The following CACNA1C variants were observed in gnomAD, a reference collection of about 807,000 sequenced individuals.
The protein encoded by CACNA1C is calcium voltage-gated channel subunit alpha1 C, also known as voltage-dependent L-type calcium channel subunit alpha-1C.
A neutral mutation model predicts 229.0 loss-of-function variants in CACNA1C; 30 were observed. The ratio of observed to expected loss-of-function variants is 0.13; its 90% CI spans 0.10 to 0.18. The LOEUF (loss-of-function observed/expected upper bound fraction) is 0.18, where lower values mean the gene tolerates loss of function less well. Ranked by LOEUF, CACNA1C falls within the 10% of genes least tolerant of loss-of-function variation. The pLI, the probability that CACNA1C is intolerant of heterozygous loss-of-function variation, is 1.00. For missense variants in CACNA1C, 1,658 were observed against 2,845.0 expected (o/e 0.58, Z 9.49); for synonymous variants, 1,114 against 1,132.5 (o/e 0.98, Z 0.33).
chr12:2,575,831 A>G lies in CACNA1C; in HGVS notation c.1896-5759A>G, dbSNP rs959705906. On this transcript the variant is annotated intron_variant, in intron 13 of 46. Transcript: ENST00000399655. The surrounding 1 kb of genome is among the most constrained non-coding windows in gnomAD (Gnocchi z 4.0). Reference sequence around the variant, plus strand: ...TCTATACCTAGAATAAAGGTAAAGGACCTGGCCCTGAGCTCTTTGAAGCAA... The same window carrying G: ...TCTATACCTAGAATAAAGGTAAAGGGCCTGGCCCTGAGCTCTTTGAAGCAA... 3.3e-5 allele frequency among the ~76,000 whole-genome samples: 5 copies of G among 152,184 alleles called. No individual in the cohort carries two copies. Among genetic ancestry groups the G allele is most frequent in the African/African-American group, 1.2e-4 (5 of 41,448 alleles).
At chr12:2,317,711 G>T (rs528218466) in intron 3 of CACNA1C, among the ~76,000 whole-genome samples, 4 of 152,170 alleles carry the variant, frequency 2.6e-5, no homozygotes, top group Non-Finnish European at 5.9e-5. Context: ...ATGAATACTT[G>T]CTGTATCTGA....
At chr12:2,461,537 G>A (rs1304373247) in intron 5 of CACNA1C, among the ~76,000 whole-genome samples, 5 of 152,064 alleles carry the variant, frequency 3.3e-5, no homozygotes, top group African/African-American at 1.2e-4. Context: ...TGTGTCACCA[G>A]CCCAGACCTT....
chr12:2,325,253 G>A (rs2239046), intron 3 of CACNA1C, among the ~76,000 whole-genome samples: 104,661 of 152,084 alleles, frequency 0.69, 36,240 homozygotes, highest in African/African-American at 0.74. Context: ...ATCTGGTCTC[G>A]AGACCCATTT....
Position 2,585,262 on chromosome 12 carries a change from C to T in CACNA1C, c.2340-114C>T. On this transcript the variant is annotated intron_variant, in intron 16 of 46. Coordinates refer to ENST00000399655, the MANE Select transcript of CACNA1C (RefSeq NM_000719.7). This position sits in a 1 kb window ranked among gnomAD's most constrained non-coding sequence, Gnocchi z 4.1. ...CTGGAGAAAGGAAGATGGACTCAGACCCAGGGGATCTGTCCCCTCTGGCCC... is the reference window on the plus strand; with the variant it reads ...CTGGAGAAAGGAAGATGGACTCAGATCCAGGGGATCTGTCCCCTCTGGCCC... 9.9e-7 allele frequency: 1 copy of T among 1,013,372 alleles called. No homozygotes were observed. Among genetic ancestry groups the T allele is most frequent in the South Asian group, 2.2e-5 (1 of 44,684 alleles). The allele number at this position is 1,013,372 out of a possible 1,614,324, so 62.8% of individuals were successfully genotyped here.
rs113361925 is a variant in CACNA1C, at chr12:2,394,321, C to T, written c.478-54655C>T. ...GAAACTTGGACACAGCCATGATAAA[C>T]GCAGGCTTTATAATCCAAGAGCTTG... On this transcript the variant is annotated intron_variant, in intron 3 of 46. Transcript: ENST00000399655. Among the ~76,000 whole-genome samples the T allele has an allele frequency of 3.8e-3, 580 of 152,242 alleles. 6 individuals are homozygous for T. The highest frequency in any genetic ancestry group is 0.013 in the African/African-American group (539 of 41,530).
chr12:2,508,523 A>T (rs760897621), intron 8 of CACNA1C, among the ~76,000 whole-genome samples: 28 of 152,224 alleles, frequency 1.8e-4, no homozygotes, highest in Non-Finnish European at 4.0e-4. Flanking sequence ...GCTTGGTGGC[A>T]GCACCTATAG....
At chr12:2,088,385 G>C (rs771802719) in intron 1 of CACNA1C, among the ~76,000 whole-genome samples, 14 of 152,184 alleles carry the variant, frequency 9.2e-5, no homozygotes, top group Admixed American at 3.9e-4. Context: ...TCTAGAGGCC[G>C]TGAACACGGT....
intron 3 of CACNA1C, among the ~76,000 whole-genome samples, chr12:2,428,435 A>C (rs2099053063): frequency 6.6e-6 from 1 of 151,968 alleles, no homozygotes; most frequent in Non-Finnish European, 1.5e-5. Flanking sequence ...TTTGCATGTC[A>C]CTCACCTGGT....
At position 1,971,821 on chromosome 12, in the gene CACNA1C, GTTCTT is replaced by G. The variant is rs763298388; in HGVS notation, c.139+623_139+627del. On this transcript the variant is annotated intron_variant, in intron 1 of 46. Coordinates refer to the CACNA1C transcript ENST00000682462. The surrounding 1 kb of genome is among the most constrained non-coding windows in gnomAD (Gnocchi z 4.2). ...CCTAATAAATATTTCTGTTTGATCT[GTTCTT>G]TTAAGATATTTATAATTTGTTTTAT... Among the ~76,000 whole-genome samples, 17 of 152,094 alleles carry G rather than the reference GTTCTT, an allele frequency of 1.1e-4. No homozygotes were observed. Among genetic ancestry groups the G allele is most frequent in the Non-Finnish European group, 2.1e-4 (14 of 68,004 alleles).
At chr12:2,606,923 C>A in intron 25 of CACNA1C, 61 bp from the exon 26 acceptor site, 2 of 1,574,968 alleles carry the variant, frequency 1.3e-6, no homozygotes, top group Non-Finnish European at 1.7e-6. Context: ...AGGTCACTGG[C>A]AGGCCAGGCG....
At chr12:2,004,679 C>G (rs552024776) in intron 1 of CACNA1C, 9 of 521,852 alleles carry the variant, frequency 1.7e-5, no homozygotes, top group Non-Finnish European at 3.0e-5. Context: ...CTCTGCATCC[C>G]GTTTCTTTCT....
rs199881314 is a variant in CACNA1C, at chr12:2,634,162, AT to A, written c.3829-127del. 1,187 of 472,012 alleles carry A rather than the reference AT, an allele frequency of 2.5e-3. 21 individuals carry two copies. In the African/African-American group the frequency reaches 0.028, roughly 11 times the overall value. 29.2% of individuals were successfully genotyped at this position (472,012 alleles called of 1,614,324 possible). ...GCCCACGTAACCTCTTTCTTTTCTC[AT>A]TTTTTTTCTCTTCTCTCCCTTTTTC... On this transcript the variant is annotated intron_variant, in intron 29 of 46. Coordinates refer to ENST00000399655, the MANE Select transcript of CACNA1C (RefSeq NM_000719.7).
chr12:2,603,928 T>C (rs2074035667), intron 22 of CACNA1C, among the ~76,000 whole-genome samples: 1 of 152,216 alleles, frequency 6.6e-6, no homozygotes, highest in Admixed American at 6.5e-5. Context: ...GAAATGTGAT[T>C]GGACAAGAAG....
At chr12:2,550,589 G>A in intron 10 of CACNA1C, 1 of 1,351,732 alleles carries the variant, frequency 7.4e-7, no homozygotes, top group Non-Finnish European at 9.8e-7. Flanking sequence ...TGTTGCCTTG[G>A]GGTGTCACGA....
chr12:2,192,810 G>A (rs747065187), intron 3 of CACNA1C, among the ~76,000 whole-genome samples: 11 of 151,950 alleles, frequency 7.2e-5, no homozygotes, highest in South Asian at 2.1e-4. Context: ...GCTGTGATAC[G>A]TGTAGTGTGT....
intron 5 of CACNA1C, among the ~76,000 whole-genome samples, chr12:2,462,739 G>A (rs977659393): frequency 6.6e-6 from 1 of 151,996 alleles, no homozygotes; most frequent in Non-Finnish European, 1.5e-5. Flanking sequence ...TTTTCCAAAG[G>A]GTCTTTACTT....
intron 1 of CACNA1C, among the ~76,000 whole-genome samples, chr12:2,042,519 G>A (rs1479311886): frequency 1.3e-5 from 2 of 152,130 alleles, no homozygotes; most frequent in African/African-American, 4.8e-5. Context: ...GATTCAAGAG[G>A]CTTTCTAGAC....
intron 42 of CACNA1C, chr12:2,680,348 A>G (rs1466207449): frequency 1.3e-6 from 2 of 1,525,794 alleles, no homozygotes; most frequent in East Asian, 2.4e-5. Flanking sequence ...TTGTCCTCTC[A>G]TCCCTGTGCT....
intron 1 of CACNA1C, among the ~76,000 whole-genome samples, chr12:2,091,477 C>T (rs973122769): frequency 6.6e-6 from 1 of 152,188 alleles, no homozygotes; most frequent in African/African-American, 2.4e-5. Flanking sequence ...TTACCTTTTC[C>T]AGCTCTAGAG....
Sources: allele counts gnomAD v4.1 joint callset (sites outside exome capture counted in the v4.1 genomes callset), GRCh38; gene constraint gnomAD v4.1.1; non-coding constraint Gnocchi (gnomAD v3.1); transcripts MANE v1.5; gene names NCBI Gene and HGNC (gene_info 2026-07-23, HGNC 2026-07-21).